SV2B: variants seen among roughly 807,000 people sequenced by gnomAD.
The protein encoded by SV2B is synaptic vesicle glycoprotein 2B.
Under a neutral mutation model 73.9 loss-of-function variants are expected in SV2B, and 41 were observed. That is an observed-to-expected ratio of 0.56 (90% CI 0.43 to 0.72). SV2B has a LOEUF of 0.72. Among genes scored for constraint, SV2B ranks in the 30% least tolerant of loss-of-function variants. The pLI is 0.00. For synonymous variants in SV2B, 314 were observed against 314.2 expected (o/e 1.00, Z 0.01); for missense variants, 764 against 857.8 (o/e 0.89, Z 1.37).
chr15:91,185,852 C>T (rs2044749966), intron 1 of SV2B, among the ~76,000 whole-genome samples: 1 of 152,188 alleles, frequency 6.6e-6, no homozygotes, highest in Non-Finnish European at 1.5e-5. Context: ...TTGTTGTGGA[C>T]TAACTCCTGG....
intron 1 of SV2B, among the ~76,000 whole-genome samples, chr15:91,156,496 G>T (rs894745874): frequency 6.6e-6 from 1 of 152,202 alleles, no homozygotes; most frequent in African/African-American, 2.4e-5. Context: ...AAAATGGCAG[G>T]TAGGAATCAG....
In SV2B at chr15:91,105,228, A is replaced by G. The variant is rs2041850184; in HGVS notation, c.-392+4865A>G. Among the ~76,000 whole-genome samples the G allele has an allele frequency of 6.6e-6, 1 of 152,212 alleles. No individual in the cohort carries two copies. ...ATGTATGTTTTATATCAGGTGATTA[A>G]GGAATGTTGAGCAGGGAAAGGAAGA... On this transcript the variant is annotated intron_variant, in intron 1 of 12. Coordinates refer to ENST00000394232, the MANE Select transcript of SV2B (RefSeq NM_001323032.3). This position sits in a 1 kb window ranked among gnomAD's most constrained non-coding sequence, Gnocchi z 5.5.
Position 91,214,134 on chromosome 15 carries a change from G to A in SV2B, c.-391-11739G>A, listed in dbSNP as rs1010854228. Among the ~76,000 whole-genome samples, 79 of 152,314 alleles carry A rather than the reference G, an allele frequency of 5.2e-4. No individual in the cohort carries two copies. The highest frequency in any genetic ancestry group is 4.1e-3 in the Admixed American group (62 of 15,296). On this transcript the variant is annotated intron_variant, in intron 1 of 12. Transcript: ENST00000394232. This position sits in a 1 kb window ranked among gnomAD's most constrained non-coding sequence, Gnocchi z 4.7. ...GCTCATGACTACTGGGAAGTGGACC[G>A]GTTCCGGATCTCTAGAGGAGGGAGC... is the stretch of plus-strand genomic sequence containing the variant.
intron 1 of SV2B, among the ~76,000 whole-genome samples, chr15:91,135,751 A>G (rs2042802711): frequency 6.6e-6 from 1 of 152,208 alleles, no homozygotes; most frequent in African/African-American, 2.4e-5. Flanking sequence ...CTTATTTCAC[A>G]TCTCTGCTTT....
chr15:91,168,380 G>A (rs2043996670), intron 1 of SV2B, among the ~76,000 whole-genome samples: 1 of 150,658 alleles, frequency 6.6e-6, no homozygotes, highest in Non-Finnish European at 1.5e-5. Context: ...AATTTCTCTG[G>A]CCAATGAGTA....
chr15:91,108,235 G>A (rs2041942765), intron 1 of SV2B, among the ~76,000 whole-genome samples: 1 of 152,144 alleles, frequency 6.6e-6, no homozygotes, highest in South Asian at 2.1e-4. Context: ...ATTAGACAAA[G>A]GGACAATAAT....
chr15:91,257,578 A>G (rs1165895026), intron 4 of SV2B, among the ~76,000 whole-genome samples: 1 of 152,196 alleles, frequency 6.6e-6, no homozygotes, highest in Non-Finnish European at 1.5e-5. Flanking sequence ...TCCCTCATTT[A>G]AAAAAATTGT....
chr15:91,234,139 A>C lies in SV2B; in HGVS notation c.451+7425A>C, dbSNP rs965397729. 2.6e-5 allele frequency among the ~76,000 whole-genome samples: 4 copies of C among 152,238 alleles called. No individual in the cohort carries two copies. Among genetic ancestry groups the C allele is most frequent in the African/African-American group, 9.6e-5 (4 of 41,468 alleles). On this transcript the variant is annotated intron_variant, in intron 2 of 12. Transcript: ENST00000394232. This position sits in a 1 kb window ranked among gnomAD's most constrained non-coding sequence, Gnocchi z 5.6. ...CCATAGTAAATGAAGTCGAAATGCCAGACCTATGTTGGTTTATGGTAGAGG... is the reference window on the plus strand; with the variant it reads ...CCATAGTAAATGAAGTCGAAATGCCCGACCTATGTTGGTTTATGGTAGAGG...
rs767770965 is a variant in SV2B, at chr15:91,293,994, C to T, written c.*1442C>T. The T allele has an allele frequency of 1.3e-5, 2 of 152,228 alleles. No homozygotes were observed. Among genetic ancestry groups the T allele is most frequent in the Non-Finnish European group, 2.9e-5 (2 of 68,062 alleles). 9.4% of individuals were successfully genotyped at this position (152,228 alleles called of 1,614,324 possible). ...TGACTGCATGGAAGAGGAAAAACAT[C>T]AGAACTGTCTGACAATGGAGGGGAC... On this transcript the variant is annotated 3_prime_UTR_variant, in exon 13 of 13. Transcript: ENST00000394232.
rs796887696 is a variant in SV2B at position 91,133,390 on chromosome 15, CT to C, written c.-392+33037del. The stretch of plus-strand genomic sequence containing the variant: ...GTGTGGGAACTTTTTCTTCCTTTTC[CT>C]TTTTTTTTTGTTTTTGTTTTTTGGT... On this transcript the variant is annotated intron_variant, in intron 1 of 12. Transcript: ENST00000394232. 2.6e-4 allele frequency among the ~76,000 whole-genome samples: 38 copies of C among 148,190 alleles called. No homozygotes were observed. In the South Asian group the frequency reaches 3.4e-3, roughly 13 times the overall value.
In SV2B at chr15:91,100,396, C is replaced by G. The variant is rs1264870039; in HGVS notation, c.-392+33C>G. 6.6e-6 allele frequency: 1 copy of G among 152,348 alleles called. No individual in the cohort carries two copies. The highest frequency in any genetic ancestry group is 1.5e-5 in the Non-Finnish European group (1 of 68,130). The allele number at this position is 152,348 out of a possible 1,614,324, so 9.4% of individuals were successfully genotyped here. ...ACTGCGTTGCTCGCTGCGGTGCAAC[C>G]GACCCAGCCGGGGCGCGGACCCCGC... On this transcript the variant is annotated intron_variant, in intron 1 of 12. Transcript: ENST00000394232. The surrounding 1 kb of genome is among the most constrained non-coding windows in gnomAD (Gnocchi z 6.4).
chr15:91,155,072 T>C (rs957361261), intron 1 of SV2B, among the ~76,000 whole-genome samples: 1 of 152,154 alleles, frequency 6.6e-6, no homozygotes, highest in Non-Finnish European at 1.5e-5. Flanking sequence ...AAAGTACCGC[T>C]TCTGGCCCCA....
intron 4 of SV2B, among the ~76,000 whole-genome samples, chr15:91,257,899 C>T (rs752336090): frequency 2.0e-5 from 3 of 152,142 alleles, no homozygotes; most frequent in Admixed American, 6.6e-5. Flanking sequence ...GGTGTGTCCA[C>T]GCATGTCTGC....
At chr15:91,148,466 C>T (rs1217647072) in intron 1 of SV2B, among the ~76,000 whole-genome samples, 1 of 152,044 alleles carries the variant, frequency 6.6e-6, no homozygotes, top group Non-Finnish European at 1.5e-5. Flanking sequence ...GTTGGGTTAG[C>T]CCATCTTAGT....
chr15:91,156,005 T>C (rs1017807058), intron 1 of SV2B, among the ~76,000 whole-genome samples: 13 of 152,166 alleles, frequency 8.5e-5, no homozygotes, highest in African/African-American at 2.4e-5. Context: ...TGAGCTGATA[T>C]AGAAATAAAT....
chr15:91,235,253 G>T (rs2046734963), intron 2 of SV2B, among the ~76,000 whole-genome samples: 1 of 152,174 alleles, frequency 6.6e-6, no homozygotes, highest in Non-Finnish European at 1.5e-5. Flanking sequence ...AGACATTTCT[G>T]CTATAAGCAC....
At chr15:91,144,593 A>C (rs922985078) in intron 1 of SV2B, among the ~76,000 whole-genome samples, 3 of 152,206 alleles carry the variant, frequency 2.0e-5, no homozygotes, top group Non-Finnish European at 4.4e-5. Context: ...CTTTACTTAA[A>C]GAGAGCACAT....
intron 1 of SV2B, among the ~76,000 whole-genome samples, chr15:91,189,472 ATTTATATATGTATATATG>A (rs957270861): frequency 1.3e-5 from 2 of 152,236 alleles, no homozygotes; most frequent in African/African-American, 4.8e-5. Context: ...ACCCATGTTT[ATTTATATATGTATATATG>A]TAGTTCGATA....
chr15:91,164,661 A>C (rs2043846041), intron 1 of SV2B, among the ~76,000 whole-genome samples: 1 of 152,248 alleles, frequency 6.6e-6, no homozygotes, highest in Non-Finnish European at 1.5e-5. Context: ...ATTGAAGACT[A>C]TATAAGAATT....
Sources: gnomAD v4.1 joint callset for allele counts (sites outside exome capture counted in the v4.1 genomes callset) on GRCh38, gnomAD v4.1.1 for gene constraint, Gnocchi (gnomAD v3.1) non-coding constraint, MANE v1.5 for transcripts, NCBI Gene and HGNC (gene_info 2026-07-23, HGNC 2026-07-21) for gene names.